FAM107B: variants seen among roughly 807,000 people sequenced by gnomAD.
FAM107B encodes the protein family with sequence similarity 107 member B.
A neutral mutation model predicts 31.5 loss-of-function variants in FAM107B; 21 were observed. The ratio of observed to expected loss-of-function variants is 0.67; its 90% CI spans 0.47 to 0.96. FAM107B has a LOEUF of 0.96. Ranked by LOEUF, FAM107B falls within the 40% of genes least tolerant of loss-of-function variation. FAM107B has a pLI of 0.00. For missense variants in FAM107B, 452 were observed against 377.1 expected, an observed-to-expected ratio of 1.20 and a Z score of -1.64; for synonymous variants, 157 against 141.5, an observed-to-expected ratio of 1.11 and a Z score of -0.78.
intron 2 of FAM107B, among the ~76,000 whole-genome samples, chr10:14,596,902 G>A (rs1309342441): frequency 6.6e-6 from 1 of 152,180 alleles, no homozygotes; most frequent in Admixed American, 6.5e-5. Flanking sequence ...ACTCTAAGAA[G>A]TAGGTGAGTG....
chr10:14,586,667 C>G (rs1247502223), intron 2 of FAM107B, among the ~76,000 whole-genome samples: 1 of 152,180 alleles, frequency 6.6e-6, no homozygotes, highest in East Asian at 1.9e-4. Context: ...CATCTTTGAT[C>G]TTGGAGTTCC....
intron 1 of FAM107B, among the ~76,000 whole-genome samples, chr10:14,711,850 G>A (rs1344842010): frequency 3.9e-5 from 6 of 152,148 alleles, no homozygotes; most frequent in African/African-American, 9.7e-5. Context: ...CACCATGTTG[G>A]CCAGGCTGGT....
intron 2 of FAM107B, among the ~76,000 whole-genome samples, chr10:14,628,113 T>TTTTTTTTTGTTTTTTTTTG (rs1491190399): frequency 3.3e-5 from 2 of 61,072 alleles, no homozygotes; most frequent in Non-Finnish European, 3.2e-5. Context: ...GTTTTGCTGG[T>TTTTTTTTTGTTTTTTTTTG]TTTTTTTTTT....
rs1853574913 is a variant in FAM107B at position 14,639,256 on chromosome 10, C to T, written c.469+28378G>A. Among the ~76,000 whole-genome samples the T allele has an allele frequency of 2.0e-5, 3 of 152,120 alleles. No homozygotes were observed. In the South Asian group the frequency reaches 6.2e-4, roughly 32 times the overall value. On this transcript the variant is annotated intron_variant, in intron 2 of 4. Coordinates refer to ENST00000181796, the MANE Select transcript of FAM107B (RefSeq NM_031453.4). ...TATTCAGCTCATAGACAGCTTCCTCCAGGCAGCTTTCTCTGACTAACCAAG... is the reference window on the plus strand; with the variant it reads ...TATTCAGCTCATAGACAGCTTCCTCTAGGCAGCTTTCTCTGACTAACCAAG...
In FAM107B at chr10:14,520,283, G is replaced by C. The variant is rs1021044606; in HGVS notation, c.*907C>G. 1.3e-5 allele frequency: 2 copies of C among 152,164 alleles called. No homozygotes were observed. The highest frequency in any genetic ancestry group is 2.9e-5 in the Non-Finnish European group (2 of 68,038). 9.4% of individuals were successfully genotyped at this position (152,164 alleles called of 1,614,324 possible). A position where few individuals can be genotyped will look rare whatever the true frequency, so the allele number is the denominator to read the frequency against. ...ATCCTGACTGCCCAGCTGGTCATGGGAACCTTCCCCACTCTCCTCTTGGAG... is the reference window on the plus strand; with the variant it reads ...ATCCTGACTGCCCAGCTGGTCATGGCAACCTTCCCCACTCTCCTCTTGGAG... On this transcript the variant is annotated 3_prime_UTR_variant, in exon 5 of 5. Coordinates refer to ENST00000181796, the MANE Select transcript of FAM107B (RefSeq NM_031453.4).
chr10:14,681,220 C>G (rs1296270471), intron 1 of FAM107B, among the ~76,000 whole-genome samples: 1 of 152,214 alleles, frequency 6.6e-6, no homozygotes, highest in African/African-American at 2.4e-5. Context: ...TGGCCCTACC[C>G]CTCTTCAGCA....
intron 1 of FAM107B, among the ~76,000 whole-genome samples, chr10:14,751,111 C>T (rs367807766): frequency 1.3e-5 from 2 of 152,308 alleles, no homozygotes; most frequent in South Asian, 2.1e-4. Context: ...AGCACATGGG[C>T]CCCAGCTGGG....
At chr10:14,759,820 T>C (rs1833008034) in intron 1 of FAM107B, among the ~76,000 whole-genome samples, 1 of 152,120 alleles carries the variant, frequency 6.6e-6, no homozygotes, top group South Asian at 2.1e-4. Context: ...CAAGTGATTC[T>C]TGTGTCTCAG....
At chr10:14,526,891 G>T (rs1342473458) in intron 3 of FAM107B, among the ~76,000 whole-genome samples, 7 of 151,124 alleles carry the variant, frequency 4.6e-5, no homozygotes, top group Admixed American at 4.6e-4. Context: ...AGGCTGGAGT[G>T]TAGTGGCGCC....
chr10:14,637,147 A>G (rs1210730474), intron 2 of FAM107B, among the ~76,000 whole-genome samples: 1 of 152,130 alleles, frequency 6.6e-6, no homozygotes, highest in Non-Finnish European at 1.5e-5. Flanking sequence ...CCTTTTAACA[A>G]GAGTGTCATT....
chr10:14,656,170 T>C (rs1052825973), intron 2 of FAM107B, among the ~76,000 whole-genome samples: 1 of 152,148 alleles, frequency 6.6e-6, no homozygotes, highest in African/African-American at 2.4e-5. Flanking sequence ...TCCTCCTAGA[T>C]ACAAATTCTG....
At chr10:14,641,994 G>T (rs1853639947) in intron 2 of FAM107B, among the ~76,000 whole-genome samples, 1 of 152,170 alleles carries the variant, frequency 6.6e-6, no homozygotes, top group Admixed American at 6.6e-5. Flanking sequence ...AATTTATCCT[G>T]AAGCAAAATT....
chr10:14,690,323 G>C (rs879300570), intron 1 of FAM107B, among the ~76,000 whole-genome samples: 4 of 152,218 alleles, frequency 2.6e-5, no homozygotes, highest in Admixed American at 2.6e-4. Flanking sequence ...CTCTGCCTCT[G>C]TTTCCTGTTT....
intron 2 of FAM107B, chr10:14,572,052 T>A (rs1049353350): frequency 4.1e-6 from 4 of 985,194 alleles, no homozygotes; most frequent in Non-Finnish European, 4.8e-6. Context: ...GAATTAACCA[T>A]CCCCACAAAG....
At chr10:14,772,011 G>A (rs1478398528) in intron 1 of FAM107B, among the ~76,000 whole-genome samples, 3 of 152,148 alleles carry the variant, frequency 2.0e-5, no homozygotes, top group African/African-American at 7.2e-5. Flanking sequence ...TTGGGCAAAT[G>A]TCTTACCCTC....
At chr10:14,549,482 C>T (rs1052591351) in intron 2 of FAM107B, among the ~76,000 whole-genome samples, 12 of 152,218 alleles carry the variant, frequency 7.9e-5, no homozygotes, top group African/African-American at 2.9e-4. Context: ...ACTAAGGGGG[C>T]TTTGGCAAAA....
chr10:14,689,405 T>C lies in FAM107B; in HGVS notation c.412-21714A>G, dbSNP rs538676552. On this transcript the variant is annotated intron_variant, in intron 1 of 4. Coordinates refer to ENST00000181796, the MANE Select transcript of FAM107B (RefSeq NM_031453.4). ...AAAAAAAAAAAAAAAGAATAAAAAT[T>C]TTCTTTTAAAAAAAGAAGCTCCTAG... is the stretch of plus-strand genomic sequence containing the variant. Among the ~76,000 whole-genome samples, 67 of 150,004 alleles carry C rather than the reference T, an allele frequency of 4.5e-4. No individual in the cohort carries two copies. The South Asian group carries it at 0.013, about 30-fold the overall frequency.
chr10:14,548,825 CG>C (rs1202906287), intron 2 of FAM107B, among the ~76,000 whole-genome samples: 3 of 44,972 alleles, frequency 6.7e-5, no homozygotes, highest in Non-Finnish European at 1.1e-4. Flanking sequence ...CACATGCACA[CG>C]CACACACACG....
At chr10:14,745,172 T>A (rs1469378803) in intron 1 of FAM107B, among the ~76,000 whole-genome samples, 1 of 152,066 alleles carries the variant, frequency 6.6e-6, no homozygotes, top group East Asian at 1.9e-4. Flanking sequence ...CATTTTTTAT[T>A]GTCTATTTGG....
Sources: allele counts gnomAD v4.1 joint callset (sites outside exome capture counted in the v4.1 genomes callset), GRCh38; gene constraint gnomAD v4.1.1; transcripts MANE v1.5; gene names NCBI Gene and HGNC (gene_info 2026-07-23, HGNC 2026-07-21).